MMEL1: variants seen among roughly 807,000 people sequenced by gnomAD.
MMEL1 encodes the protein membrane metalloendopeptidase like 1.
MMEL1 carries 98 observed loss-of-function variants against 117.1 expected under a neutral mutation model. That is an observed-to-expected ratio of 0.84 (90% CI 0.71 to 0.99). The LOEUF is 0.99. MMEL1 is among the 50% of genes least tolerant of loss of function. The pLI, the probability that MMEL1 is intolerant of heterozygous loss-of-function variation, is 0.00. For missense variants in MMEL1, 1,014 were observed against 1,049.1 expected, an observed-to-expected ratio of 0.97 and a Z score of 0.46; for synonymous variants, 390 against 415.1, an observed-to-expected ratio of 0.94 and a Z score of 0.74.
At position 2,609,763 on chromosome 1, in the gene MMEL1, C is replaced by T. The variant is rs1232491074; in HGVS notation, c.361G>A (p.Gly121Arg). 5.6e-6 allele frequency: 9 copies of T among 1,613,902 alleles called. No homozygotes were observed. The highest frequency in any genetic ancestry group is 2.2e-5 in the East Asian group (1 of 44,876). ...ATCACGTGGCGCCGCAGCCAGCCTC[C>T]GCATGCAAACTGGTAGAAGTCGTCA... ...PCDDFYQFACGGWLRRHVIPE... is the reference protein window; with the variant it reads ...PCDDFYQFACRGWLRRHVIPE... The change falls in exon 5 of 24, where the codon GGA becomes AGA. Residue 121 changes from glycine (G) to arginine (R), a missense_variant. Physicochemically the swap from Gly to Arg is moderately radical, Grantham distance 125. Coordinates refer to ENST00000378412, the MANE Select transcript of MMEL1 (RefSeq NM_033467.4).
At chr1:2,598,609 G>C in intron 12 of MMEL1, 45 bp downstream of exon 12, 1 of 1,609,596 alleles carries the variant, frequency 6.2e-7, no homozygotes, top group Non-Finnish European at 8.5e-7. Context: ...TGGGAGAGCA[G>C]GGGCAAAGAT....
intron 14 of MMEL1, 137 bp from the exon 15 acceptor site, chr1:2,596,244 A>G (rs1195435927): frequency 6.6e-5 from 53 of 809,122 alleles, no homozygotes; most frequent in East Asian, 5.4e-4. Context: ...CTCTCAGGTG[A>G]GGTGTGGGGC....
intron 2 of MMEL1, among the ~76,000 whole-genome samples, chr1:2,619,571 T>C (rs1242564392): frequency 1.3e-5 from 2 of 148,972 alleles, no homozygotes; most frequent in Admixed American, 1.4e-4. Context: ...GGCATGAGAA[T>C]CACTTGAATC....
chr1:2,629,820 GC>G (rs35955733), intron 1 of MMEL1: 96 of 231,202 alleles, frequency 4.2e-4, no homozygotes, highest in East Asian at 1.3e-3. Context: ...CTGTAGTGGA[GC>G]CCCCCCCCTG....
intron 1 of MMEL1, among the ~76,000 whole-genome samples, chr1:2,632,254 G>C (rs560431837): frequency 6.6e-6 from 1 of 152,102 alleles, no homozygotes; most frequent in Non-Finnish European, 1.5e-5. Flanking sequence ...ACATCTCCTC[G>C]ATACTTCTGC....
intron 5 of MMEL1, 87 bp from the exon 6 acceptor site, chr1:2,609,506 C>T (rs1040397210): frequency 5.8e-5 from 88 of 1,515,660 alleles, no homozygotes; most frequent in East Asian, 7.1e-5. Context: ...AAGTGCTCGG[C>T]GAGAGGCGGC....
chr1:2,610,725 C>A (rs78827026), intron 4 of MMEL1, among the ~76,000 whole-genome samples: 1 of 145,366 alleles, frequency 6.9e-6, no homozygotes. Flanking sequence ...CTGGGCTGCA[C>A]CCCCCGACCA....
At chr1:2,618,094 C>T (rs1645232936) in intron 2 of MMEL1, among the ~76,000 whole-genome samples, 1 of 152,194 alleles carries the variant, frequency 6.6e-6, no homozygotes, top group African/African-American at 2.4e-5. Flanking sequence ...ACCTCTGCCA[C>T]GGTTTGGATG....
chr1:2,613,742 T>C (rs1290716947), intron 2 of MMEL1, among the ~76,000 whole-genome samples: 5 of 151,978 alleles, frequency 3.3e-5, no homozygotes, highest in Non-Finnish European at 7.4e-5. Flanking sequence ...TTCCAGCTAC[T>C]TGGGAGGCTG....
Position 2,598,289 on chromosome 1 carries a change from T to A in MMEL1, c.1190A>T (p.Asn397Ile), listed in dbSNP as rs765637746. Residue 397 changes from asparagine to isoleucine, a missense_variant, in exon 13 of 24, where the codon AAC becomes ATC. Physicochemically the swap from Asn to Ile is moderately radical, Grantham distance 149. Coordinates refer to ENST00000378412, the MANE Select transcript of MMEL1 (RefSeq NM_033467.4). ...CAGCACCAGGCGCCAGACCAGGTAG[T>A]TCTGTATGGTCCTGGGGGCAGAAGG... Reference protein sequence around the residue: ...IDTYSARTIQNYLVWRLVLDR... With the variant: ...IDTYSARTIQIYLVWRLVLDR... 6.2e-7 allele frequency: 1 copy of A among 1,613,998 alleles called. No homozygotes were observed. The highest frequency in any genetic ancestry group is 2.2e-5 in the East Asian group (1 of 44,868).
intron 9 of MMEL1, 78 bp downstream of exon 9, chr1:2,605,480 G>A: frequency 7.8e-7 from 1 of 1,285,132 alleles, no homozygotes; most frequent in South Asian, 1.2e-5. Context: ...GGAAGGCCAG[G>A]TGGGCAACGG....
chr1:2,591,335 T>C (rs1356645332), intron 23 of MMEL1: 1 of 600,148 alleles, frequency 1.7e-6, no homozygotes, highest in African/African-American at 1.9e-5. Flanking sequence ...CACAGAAACA[T>C]TCGCAGCCTG....
At position 2,604,127 on chromosome 1, in the gene MMEL1, AC is replaced by A; in HGVS notation, c.951+19del. 1 of 995,148 alleles carries A rather than the reference AC, an allele frequency of 1.0e-6. No individual in the cohort carries two copies. The highest frequency in any genetic ancestry group is 1.4e-6 in the Non-Finnish European group (1 of 695,278). 61.6% of individuals were successfully genotyped at this position (995,148 alleles called of 1,614,324 possible). On this transcript the variant is annotated intron_variant, in intron 10 of 23. Transcript: ENST00000378412. ...CCAGCCCACTCGCTGCCCGCTCCCC[AC>A]CCGCCCCGGCCCCCTTACCTTGGCC... is the stretch of plus-strand genomic sequence containing the variant.
At chr1:2,623,482 T>C (rs1045177799) in intron 2 of MMEL1, among the ~76,000 whole-genome samples, 2 of 151,932 alleles carry the variant, frequency 1.3e-5, no homozygotes, top group Non-Finnish European at 2.9e-5. Flanking sequence ...AATTTCCGAG[T>C]GATAAGGCCC....
intron 11 of MMEL1, among the ~76,000 whole-genome samples, chr1:2,600,960 A>T (rs1189251258): frequency 6.6e-6 from 1 of 152,226 alleles, no homozygotes; most frequent in African/African-American, 2.4e-5. Flanking sequence ...AAATTGAAGC[A>T]TAAATGGAAG....
chr1:2,620,778 G>GAAAAA (rs111447157), intron 2 of MMEL1, among the ~76,000 whole-genome samples: 1 of 148,152 alleles, frequency 6.7e-6, no homozygotes. Flanking sequence ...ATAAAATAAT[G>GAAAAA]AAAAAAAAAA....
At chr1:2,607,094 C>T (rs759723303) in intron 6 of MMEL1, 25 bp from the exon 7 acceptor site, 3 of 1,593,548 alleles carry the variant, frequency 1.9e-6, no homozygotes, top group Non-Finnish European at 1.7e-6. Context: ...AGTGGTCACT[C>T]TCCCAGCCTC....
intron 18 of MMEL1, 148 bp downstream of exon 18, chr1:2,594,237 C>T: frequency 3.1e-6 from 3 of 964,738 alleles, no homozygotes; most frequent in Non-Finnish European, 4.8e-6. Flanking sequence ...GAGTGTTCCC[C>T]ACGGGGGCAG....
chr1:2,594,524 G>T, intron 17 of MMEL1, 81 bp from the exon 18 acceptor site: 1 of 1,463,872 alleles, frequency 6.8e-7, no homozygotes, highest in Non-Finnish European at 9.4e-7. Context: ...ATGGACCAGG[G>T]CCTACCCTGG....
Sources: gnomAD v4.1 joint callset for allele counts (sites outside exome capture counted in the v4.1 genomes callset) on GRCh38, gnomAD v4.1.1 for gene constraint, MANE v1.5 for transcripts, NCBI Gene and HGNC (gene_info 2026-07-23, HGNC 2026-07-21) for gene names.